The following MROH2A variants were observed in gnomAD, a reference collection of about 807,000 sequenced individuals.
The protein encoded by MROH2A is maestro heat like repeat family member 2A.
A neutral mutation model predicts 200.4 loss-of-function variants in MROH2A; 174 were observed. The ratio of observed to expected loss-of-function variants is 0.87; its 90% CI spans 0.77 to 0.98. MROH2A has a LOEUF of 0.98. Among genes scored for constraint, MROH2A ranks in the 50% least tolerant of loss-of-function variants. The probability of loss-of-function intolerance (pLI) is 0.00; values close to 1 mark genes in which losing one functional copy is unlikely to be tolerated. For synonymous variants in MROH2A, 829 were observed against 840.4 expected, an observed-to-expected ratio of 0.99 and a Z score of 0.23; for missense variants, 2,045 against 2,139.6, an observed-to-expected ratio of 0.96 and a Z score of 0.87.
chr2:233,778,987 T>C (rs1700800101), intron 1 of MROH2A, among the ~76,000 whole-genome samples: 1 of 152,206 alleles, frequency 6.6e-6, no homozygotes, highest in Non-Finnish European at 1.5e-5. Context: ...CAGTTTCTTA[T>C]GGTTGTAGGA....
At chr2:233,787,681 A>AT (rs1399427515) in intron 3 of MROH2A, among the ~76,000 whole-genome samples, 59 of 56,002 alleles carry the variant, frequency 1.1e-3, no homozygotes, top group East Asian at 1.6e-3. Flanking sequence ...TATTATATAT[A>AT]CATATATATT....
chr2:233,779,703 A>G lies in MROH2A; in HGVS notation c.127A>G (p.Ile43Val). The G allele has an allele frequency of 6.4e-7, 1 of 1,551,208 alleles. No homozygotes were observed. Among genetic ancestry groups the G allele is most frequent in the East Asian group, 2.4e-5 (1 of 40,920 alleles). Reference sequence around the variant, plus strand: ...TCAACAAGTCGTGAACCTTCTGGACATCATTGACAGCGAGTCAGCAAAGAC... The same window carrying G: ...TCAACAAGTCGTGAACCTTCTGGACGTCATTGACAGCGAGTCAGCAAAGAC... ...TFQQVVNLLD[I>V]IDSESAKTDT... Residue 43 changes from isoleucine to valine, a missense_variant, in exon 3 of 42, where the codon ATC becomes GTC. Ile to Val is a conservative substitution (Grantham distance 29, BLOSUM62 3). Coordinates refer to ENST00000389758, the MANE Select transcript of MROH2A (RefSeq NM_001394639.1).
At chr2:233,789,728 C>T in intron 4 of MROH2A, 100 bp downstream of exon 4, 1 of 1,452,896 alleles carries the variant, frequency 6.9e-7, no homozygotes, top group Non-Finnish European at 9.1e-7. Context: ...GCAGTTACCT[C>T]TCAGAGCAGG....
At chr2:233,811,990 C>T in intron 24 of MROH2A, 31 bp downstream of exon 24, 4 of 1,448,152 alleles carry the variant, frequency 2.8e-6, no homozygotes, top group Non-Finnish European at 3.8e-6. Flanking sequence ...CACCCCATCC[C>T]AAGGGGTAGG....
chr2:233,828,931 C>G lies in MROH2A; in HGVS notation c.4305C>G (p.Gly1435=). The change falls in exon 37 of 42, where the codon GGC becomes GGG. Residue 1435 remains glycine (G), a synonymous_variant. Transcript: ENST00000389758. The surrounding 1 kb of genome is among the most constrained non-coding windows in gnomAD (Gnocchi z 4.6). Reference sequence around the variant, plus strand: ...AGGTCTTGCTGGAGAAGTGCCTGGGCCCCCTGAGGGAGCCCGTGAGCAACA... The same window carrying G: ...AGGTCTTGCTGGAGAAGTGCCTGGGGCCCCTGAGGGAGCCCGTGAGCAACA... ...YRKVLLEKCL[G]PLREPVSNSV... 3 of 1,550,488 alleles carry G rather than the reference C, an allele frequency of 1.9e-6. No individual in the cohort carries two copies. Among genetic ancestry groups the G allele is most frequent in the Non-Finnish European group, 2.6e-6 (3 of 1,146,984 alleles).
Position 233,820,635 on chromosome 2 carries a change from A to G in MROH2A, c.3512+579A>G, listed in dbSNP as rs557465880. 1.2e-3 allele frequency among the ~76,000 whole-genome samples: 186 copies of G among 152,158 alleles called. 2 individuals are homozygous for G. Among genetic ancestry groups the G allele is most frequent in the African/African-American group, 4.3e-3 (178 of 41,500 alleles). ...ACAGGCAGCTGGGCATGGTCTCCCC[A>G]CATGTGGGGAGTCTGTTTGGGGTGG... On this transcript the variant is annotated intron_variant, in intron 31 of 41. Transcript: ENST00000389758. This position sits in a 1 kb window ranked among gnomAD's most constrained non-coding sequence, Gnocchi z 4.1.
intron 23 of MROH2A, 103 bp downstream of exon 23, chr2:233,811,019 C>G: frequency 1.5e-6 from 2 of 1,314,024 alleles, no homozygotes. Flanking sequence ...GCAGAGCTCT[C>G]TGAAGTCCTT....
In MROH2A at chr2:233,793,763, T is replaced by C; in HGVS notation, c.761T>C (p.Leu254Pro). Residue 254 changes from leucine (L) to proline (P), a missense_variant, in exon 7 of 42, where the codon CTG (leucine) becomes CCG (proline). By Grantham distance (98) the Leu-to-Pro change is moderately conservative (BLOSUM62 -3). This residue lies in a region of MROH2A where 831 missense variants were observed against 800.0 expected (regional missense o/e 1.04). Transcript: ENST00000389758. ...YPVMTEEEFA[L>P]KVFPMYRYFV... ...GTGATGACTGAGGAGGAGTTTGCCCTGAAGGTGTTCCCCATGTATCGCTAC... is the reference window on the plus strand; with the variant it reads ...GTGATGACTGAGGAGGAGTTTGCCCCGAAGGTGTTCCCCATGTATCGCTAC... 3 of 1,496,118 alleles carry C rather than the reference T, an allele frequency of 2.0e-6. No individual in the cohort carries two copies. The highest frequency in any genetic ancestry group is 2.7e-6 in the Non-Finnish European group (3 of 1,120,146). The allele number at this position is 1,496,118 out of a possible 1,614,324, so 92.7% of individuals were successfully genotyped here. A position where few individuals can be genotyped will look rare whatever the true frequency, so the allele number is the denominator to read the frequency against.
At chr2:233,800,063 T>C in intron 13 of MROH2A, 142 bp from the exon 14 acceptor site, 2 of 1,118,702 alleles carry the variant, frequency 1.8e-6, no homozygotes, top group Non-Finnish European at 2.6e-6. Context: ...ATGTGTGGGG[T>C]CCTAGATATA....
chr2:233,804,925 C>A (rs11563242), intron 18 of MROH2A, 79 bp from the exon 19 acceptor site: 195,143 of 751,086 alleles, frequency 0.26, 29,819 homozygotes, highest in African/African-American at 0.52. Flanking sequence ...ACTCAAGGTC[C>A]CGTAGCATTC....
At chr2:233,801,205 G>A (rs1176217505) in intron 14 of MROH2A, among the ~76,000 whole-genome samples, 2 of 152,022 alleles carry the variant, frequency 1.3e-5, no homozygotes, top group East Asian at 3.9e-4. Flanking sequence ...TCACCATGCT[G>A]TCTTTATGGG....
At chr2:233,813,831 T>G (rs1264955997) in intron 25 of MROH2A, 53 bp downstream of exon 25, 1 of 1,009,044 alleles carries the variant, frequency 9.9e-7, no homozygotes, top group East Asian at 2.6e-5. Flanking sequence ...GGAGTTAACA[T>G]TAACATGGGC....
At chr2:233,792,195 T>A (rs1701809551) in intron 5 of MROH2A, among the ~76,000 whole-genome samples, 1 of 152,074 alleles carries the variant, frequency 6.6e-6, no homozygotes, top group African/African-American at 2.4e-5. Flanking sequence ...TCCCTGGGGC[T>A]CCTCTGTCCT....
At chr2:233,788,832 G>C (rs1388328696) in intron 3 of MROH2A, among the ~76,000 whole-genome samples, 1 of 151,344 alleles carries the variant, frequency 6.6e-6, no homozygotes, top group Non-Finnish European at 1.5e-5. Context: ...CCAGCTACTC[G>C]GGAGGCTGAG....
intron 8 of MROH2A, 172 bp from the exon 9 acceptor site, chr2:233,795,481 T>C (rs1575933376): frequency 9.7e-7 from 1 of 1,031,580 alleles, no homozygotes; most frequent in African/African-American, 1.6e-5. Flanking sequence ...CTGGGTGAAA[T>C]GCAGGCTTGG....
At chr2:233,826,731 TTAAAC>T (rs1486927643) in intron 35 of MROH2A, among the ~76,000 whole-genome samples, 1 of 152,120 alleles carries the variant, frequency 6.6e-6, no homozygotes. Context: ...TGGGATCTAA[TTAAAC>T]TAAGGAGCTT....
Position 233,779,698 on chromosome 2 carries a change from T to C in MROH2A, c.122T>C (p.Leu41Pro). The C allele has an allele frequency of 6.4e-7, 1 of 1,551,184 alleles. No individual in the cohort carries two copies. The highest frequency in any genetic ancestry group is 8.7e-7 in the Non-Finnish European group (1 of 1,147,124). The change falls in exon 3 of 42, where the codon CTG becomes CCG. Residue 41 changes from leucine to proline, a missense_variant. Around this residue, in one of 3 missense-constraint regions of MROH2A, gnomAD observed 831 missense variants for 800.0 expected, o/e 1.04. Transcript: ENST00000389758. ...ACCTTTCAACAAGTCGTGAACCTTC[T>C]GGACATCATTGACAGCGAGTCAGCA... ...SGTFQQVVNL[L>P]DIIDSESAKT...
At chr2:233,777,285 A>G (rs1045696262), upstream of MROH2A, among the ~76,000 whole-genome samples, 1 of 152,310 alleles carries the variant, frequency 6.6e-6, no homozygotes. Flanking sequence ...CCACTGCAGC[A>G]TGGAAAGCCA....
chr2:233,803,900 T>C (rs1235576825), intron 16 of MROH2A, 151 bp from the exon 17 acceptor site: 1 of 1,022,570 alleles, frequency 9.8e-7, no homozygotes, highest in African/African-American at 1.6e-5. Context: ...CTTCCTGTAG[T>C]GTCCTCTGCA....
Sources: gnomAD v4.1 joint callset for allele counts (sites outside exome capture counted in the v4.1 genomes callset) on GRCh38, gnomAD v4.1.1 for gene constraint, gnomAD v4.1.1 regional missense constraint, Gnocchi (gnomAD v3.1) non-coding constraint, MANE v1.5 for transcripts, NCBI Gene and HGNC (gene_info 2026-07-23, HGNC 2026-07-21) for gene names.